KCNQ5: variants seen among roughly 807,000 people sequenced by gnomAD.
The protein encoded by KCNQ5 is potassium voltage-gated channel subfamily Q member 5, also known as potassium voltage-gated channel subfamily KQT member 5.
KCNQ5 carries 30 observed loss-of-function variants against 98.2 expected under a neutral mutation model. The ratio of observed to expected loss-of-function variants is 0.31; its 90% CI spans 0.23 to 0.41. The LOEUF is 0.41. KCNQ5 is among the 10% of genes least tolerant of loss of function. KCNQ5 has a pLI of 1.00. For missense variants in KCNQ5, 835 were observed against 1,182.5 expected (o/e 0.71, Z 4.31); for synonymous variants, 458 against 449.4 (o/e 1.02, Z -0.24).
At chr6:72,735,729 T>G (rs887417734) in intron 1 of KCNQ5, among the ~76,000 whole-genome samples, 1 of 151,974 alleles carries the variant, frequency 6.6e-6, no homozygotes, top group Non-Finnish European at 1.5e-5. Context: ...ATTAAACAAA[T>G]TGGATTGTTT....
chr6:73,153,487 A>T lies in KCNQ5; in HGVS notation c.1469-16259A>T, dbSNP rs1777232465. Among the ~76,000 whole-genome samples the T allele has an allele frequency of 2.6e-5, 4 of 152,172 alleles. 1 individual carries two copies. In the South Asian group the frequency reaches 8.3e-4, roughly 32 times the overall value. ...GTATGTGTGTGTGCTGAATCACAGC[A>T]TAAACTATAATCCTTATTGTGGATG... On this transcript the variant is annotated intron_variant, in intron 10 of 13. Transcript: ENST00000370398.
chr6:72,809,348 T>A (rs572119527), intron 1 of KCNQ5, among the ~76,000 whole-genome samples: 2 of 151,564 alleles, frequency 1.3e-5, no homozygotes, highest in African/African-American at 2.4e-5. Context: ...CATATGTAAC[T>A]AACCTGCACA....
At chr6:72,857,043 G>T (rs1034072661) in intron 1 of KCNQ5, among the ~76,000 whole-genome samples, 2 of 152,226 alleles carry the variant, frequency 1.3e-5, no homozygotes, top group African/African-American at 4.8e-5. Flanking sequence ...GGCTGTGAAG[G>T]CTCTTAACTC....
intron 10 of KCNQ5, among the ~76,000 whole-genome samples, chr6:73,149,792 G>GAAAA (rs57061336): frequency 1.0e-5 from 1 of 98,282 alleles, no homozygotes. Context: ...GGGAGACTCC[G>GAAAA]AAAAAAAAAA....
chr6:72,904,685 A>T (rs543827826), intron 1 of KCNQ5, among the ~76,000 whole-genome samples: 1 of 152,322 alleles, frequency 6.6e-6, no homozygotes, highest in East Asian at 1.9e-4. Flanking sequence ...GAAGCTGAAG[A>T]TTGGGCCCCA....
At chr6:72,818,178 C>G (rs1775586559) in intron 1 of KCNQ5, among the ~76,000 whole-genome samples, 1 of 152,072 alleles carries the variant, frequency 6.6e-6, no homozygotes, top group Non-Finnish European at 1.5e-5. Flanking sequence ...TTCACACATA[C>G]TTATTTAAAC....
chr6:72,923,019 C>A (rs1582023611), intron 1 of KCNQ5, among the ~76,000 whole-genome samples: 1 of 151,958 alleles, frequency 6.6e-6, no homozygotes, highest in East Asian at 1.9e-4. Context: ...ACCATGTTGG[C>A]CAAGCTGGTC....
rs573973797 is a variant in KCNQ5, at chr6:73,102,518, A to G, written c.919-2739A>G. Among the ~76,000 whole-genome samples the G allele has an allele frequency of 2.6e-5, 4 of 152,368 alleles. No homozygotes were observed. In the South Asian group the frequency reaches 8.3e-4, roughly 32 times the overall value. On this transcript the variant is annotated intron_variant, in intron 5 of 13. Transcript: ENST00000370398. ...GACAAGAGATTAATAACCAGAATAT[A>G]TAAGGAGCTCTCATGACTGTATAAG...
intron 6 of KCNQ5, among the ~76,000 whole-genome samples, chr6:73,108,354 T>A (rs988084094): frequency 6.6e-6 from 1 of 152,184 alleles, no homozygotes; most frequent in Non-Finnish European, 1.5e-5. Context: ...ATGAAGAAAT[T>A]GAGTTTTATA....
chr6:72,863,097 T>C (rs1777835906), intron 1 of KCNQ5, among the ~76,000 whole-genome samples: 1 of 152,188 alleles, frequency 6.6e-6, no homozygotes. Context: ...CTACTGTGTG[T>C]ATAAACGTAC....
intron 8 of KCNQ5, among the ~76,000 whole-genome samples, chr6:73,120,993 A>G (rs1775724502): frequency 6.6e-6 from 1 of 152,138 alleles, no homozygotes; most frequent in Non-Finnish European, 1.5e-5. Context: ...TAGATCTCTC[A>G]AAGCCATTTC....
chr6:73,187,091 G>A (rs57919814), intron 11 of KCNQ5, among the ~76,000 whole-genome samples: 4,533 of 143,126 alleles, frequency 0.032, 90 homozygotes, highest in East Asian at 0.069. Flanking sequence ...ACGGAGTCTT[G>A]CTCTGTCGCC....
At chr6:72,705,596 T>TGTTGTTG (rs769581301) in intron 1 of KCNQ5, among the ~76,000 whole-genome samples, 10 of 92,076 alleles carry the variant, frequency 1.1e-4, no homozygotes, top group Admixed American at 7.0e-4. Flanking sequence ...TTTTGTTTTT[T>TGTTGTTG]TTTTTGTTGT....
intron 1 of KCNQ5, among the ~76,000 whole-genome samples, chr6:72,628,339 T>TA: frequency 6.6e-6 from 1 of 152,302 alleles, no homozygotes; most frequent in Middle Eastern, 3.4e-3. Flanking sequence ...ATTAATTCTG[T>TA]AAGTCATTTC....
intron 1 of KCNQ5, among the ~76,000 whole-genome samples, chr6:72,787,848 T>C (rs1213367366): frequency 6.6e-6 from 1 of 152,242 alleles, no homozygotes; most frequent in African/African-American, 2.4e-5. Flanking sequence ...AATCCTGCCT[T>C]ATCAGCCTGA....
intron 1 of KCNQ5, among the ~76,000 whole-genome samples, chr6:72,658,096 T>G (rs1766286929): frequency 6.6e-6 from 1 of 152,206 alleles, no homozygotes; most frequent in Non-Finnish European, 1.5e-5. Flanking sequence ...CCTTCCCTTT[T>G]GGGCTTAGAA....
chr6:72,832,559 T>C (rs1331514404), intron 1 of KCNQ5, among the ~76,000 whole-genome samples: 1 of 152,170 alleles, frequency 6.6e-6, no homozygotes, highest in East Asian at 1.9e-4. Flanking sequence ...TGCTCTGTGT[T>C]TGCCAAAAGA....
chr6:73,046,573 T>C (rs1192707453), intron 3 of KCNQ5, among the ~76,000 whole-genome samples: 1 of 150,222 alleles, frequency 6.7e-6, no homozygotes. Flanking sequence ...ATAATGTCCT[T>C]ATTTATTTTA....
chr6:72,760,314 A>T (rs955396801), intron 1 of KCNQ5, among the ~76,000 whole-genome samples: 50 of 152,138 alleles, frequency 3.3e-4, no homozygotes, highest in African/African-American at 9.2e-4. Flanking sequence ...TAAAGTTTTA[A>T]GAGCAATTAG....
Sources: gnomAD v4.1 joint callset for allele counts (sites outside exome capture counted in the v4.1 genomes callset) on GRCh38, gnomAD v4.1.1 for gene constraint, MANE v1.5 for transcripts, NCBI Gene and HGNC (gene_info 2026-07-23, HGNC 2026-07-21) for gene names.